The following PLPP4 variants were observed in gnomAD, a reference collection of about 807,000 sequenced individuals.
PLPP4 encodes the protein diacylglycerol pyrophosphate like 2.
In PLPP4, 20 loss-of-function variants were observed where a neutral mutation model predicts 32.2. The ratio of observed to expected loss-of-function variants is 0.62; its 90% CI spans 0.44 to 0.90. PLPP4 has a LOEUF of 0.90. Ranked by LOEUF, PLPP4 falls within the 40% of genes least tolerant of loss-of-function variation. The probability of loss-of-function intolerance (pLI) is 0.00; values close to 1 mark genes in which losing one functional copy is unlikely to be tolerated. For missense variants in PLPP4, 257 were observed against 353.1 expected (o/e 0.73, Z 2.18); for synonymous variants, 127 against 133.0 (o/e 0.95, Z 0.31).
intron 1 of PLPP4, among the ~76,000 whole-genome samples, chr10:120,477,032 G>T (rs1843956895): frequency 6.6e-6 from 1 of 152,100 alleles, no homozygotes; most frequent in Non-Finnish European, 1.5e-5. Flanking sequence ...CATAATCTTG[G>T]CTTCTTTCTT....
At chr10:120,580,678 C>CACACACAA (rs1554899936) in intron 6 of PLPP4, among the ~76,000 whole-genome samples, 1,561 of 137,946 alleles carry the variant, frequency 0.011, 30 homozygotes, top group African/African-American at 0.022. Flanking sequence ...CACACACACA[C>CACACACAA]ACGGCTGAGG....
intron 1 of PLPP4, among the ~76,000 whole-genome samples, chr10:120,472,381 G>A (rs187853438): frequency 3.7e-4 from 57 of 152,104 alleles, no homozygotes; most frequent in Non-Finnish European, 7.1e-4. Flanking sequence ...GTTGACAGTC[G>A]TCATTCAACA....
intron 6 of PLPP4, among the ~76,000 whole-genome samples, chr10:120,580,512 G>A (rs1321329397): frequency 2.6e-5 from 4 of 152,196 alleles, no homozygotes; most frequent in South Asian, 4.2e-4. Flanking sequence ...TACCACAGGG[G>A]TCTCATTTCT....
At chr10:120,564,684 A>G (rs528455080) in intron 5 of PLPP4, among the ~76,000 whole-genome samples, 62 of 152,042 alleles carry the variant, frequency 4.1e-4, no homozygotes, top group African/African-American at 1.5e-3. Flanking sequence ...AATACTTCCT[A>G]TTATACCTTC....
intron 5 of PLPP4, among the ~76,000 whole-genome samples, chr10:120,560,641 G>A (rs576149982): frequency 6.6e-6 from 1 of 152,240 alleles, no homozygotes; most frequent in African/African-American, 2.4e-5. Flanking sequence ...TGTAATCCCA[G>A]CTACTCAGGA....
At chr10:120,551,648 A>G (rs534145723) in intron 5 of PLPP4, among the ~76,000 whole-genome samples, 10 of 152,198 alleles carry the variant, frequency 6.6e-5, no homozygotes, top group Non-Finnish European at 1.0e-4. Flanking sequence ...AAACTAGTCT[A>G]TGGTGTAGAA....
At chr10:120,530,112 A>G (rs73371241) in intron 5 of PLPP4, among the ~76,000 whole-genome samples, 8,088 of 152,302 alleles carry the variant, frequency 0.053, 314 homozygotes, top group Middle Eastern at 0.15. Flanking sequence ...TCTCACCACC[A>G]TTCAATGATG....
chr10:120,492,690 C>T (rs545444191), intron 1 of PLPP4, among the ~76,000 whole-genome samples: 1 of 152,348 alleles, frequency 6.6e-6, no homozygotes, highest in African/African-American at 2.4e-5. Flanking sequence ...CTCCACAGCT[C>T]TGGCTGCCAG....
At chr10:120,471,773 C>T (rs1016613485) in intron 1 of PLPP4, among the ~76,000 whole-genome samples, 6 of 151,966 alleles carry the variant, frequency 3.9e-5, no homozygotes, top group African/African-American at 1.2e-4. Flanking sequence ...TTAAATCTAT[C>T]ACCTTTTACT....
intron 5 of PLPP4, among the ~76,000 whole-genome samples, chr10:120,538,273 T>C (rs1184844192): frequency 6.6e-6 from 1 of 150,884 alleles, no homozygotes; most frequent in Non-Finnish European, 1.5e-5. Flanking sequence ...CCTTGGAAAA[T>C]GCAAACTCAT....
intron 5 of PLPP4, among the ~76,000 whole-genome samples, chr10:120,560,040 C>T (rs985003200): frequency 1.3e-5 from 2 of 152,192 alleles, no homozygotes; most frequent in Non-Finnish European, 2.9e-5. Context: ...ATCACCTTCA[C>T]GTGAGCAGTT....
intron 3 of PLPP4, 82 bp from the exon 4 acceptor site, chr10:120,518,751 G>GTGA (rs1299495478): frequency 3.7e-6 from 4 of 1,076,586 alleles, no homozygotes; most frequent in East Asian, 4.8e-5. Flanking sequence ...TAATGTAACA[G>GTGA]TGATGATGAT....
chr10:120,538,293 A>G (rs908963003), intron 5 of PLPP4, among the ~76,000 whole-genome samples: 16 of 151,218 alleles, frequency 1.1e-4, no homozygotes, highest in African/African-American at 3.7e-4. Flanking sequence ...TTTGAACATT[A>G]GCCAGAACCA....
chr10:120,465,452 T>C (rs570628493), intron 1 of PLPP4, among the ~76,000 whole-genome samples: 3 of 152,210 alleles, frequency 2.0e-5, no homozygotes, highest in Non-Finnish European at 2.9e-5. Flanking sequence ...GAGGAACTAG[T>C]TGTTATTCTA....
At chr10:120,563,553 C>T (rs1317662044) in intron 5 of PLPP4, among the ~76,000 whole-genome samples, 2 of 149,298 alleles carry the variant, frequency 1.3e-5, no homozygotes, top group Non-Finnish European at 2.9e-5. Flanking sequence ...GTAATCCCAG[C>T]ACTTTGGGAG....
chr10:120,541,282 A>G (rs77668751), intron 5 of PLPP4, among the ~76,000 whole-genome samples: 7,640 of 152,242 alleles, frequency 0.05, 230 homozygotes, highest in Admixed American at 0.097. Context: ...TGATTTCTAG[A>G]ATGGGAGTTT....
intron 1 of PLPP4, among the ~76,000 whole-genome samples, chr10:120,461,536 AG>A (rs1355114063): frequency 2.6e-5 from 4 of 151,942 alleles, no homozygotes; most frequent in Non-Finnish European, 5.9e-5. Context: ...TCCCCCTAGG[AG>A]CTGCTTAGGA....
chr10:120,507,300 A>C (rs2133874750), intron 2 of PLPP4, among the ~76,000 whole-genome samples: 1 of 152,212 alleles, frequency 6.6e-6, no homozygotes, highest in East Asian at 1.9e-4. Flanking sequence ...ATGGAATCTG[A>C]AAAGGGCCAG....
At chr10:120,574,185 CT>C (rs1849097586) in intron 5 of PLPP4, among the ~76,000 whole-genome samples, 21 of 104,136 alleles carry the variant, frequency 2.0e-4, no homozygotes, top group African/African-American at 9.3e-4. Context: ...CTCTCTCTCT[CT>C]CTCTCTCTCT....
Sources: gnomAD v4.1 joint callset for allele counts (sites outside exome capture counted in the v4.1 genomes callset) on GRCh38, gnomAD v4.1.1 for gene constraint, MANE v1.5 for transcripts, NCBI Gene and HGNC (gene_info 2026-07-23, HGNC 2026-07-21) for gene names.